Variants in BCL11B observed in about 807,000 individuals in gnomAD.
The protein encoded by BCL11B is BCL11 transcription factor B.
In BCL11B, 8 loss-of-function variants were observed where a neutral mutation model predicts 49.9. That is an observed-to-expected ratio of 0.16 (90% CI 0.09 to 0.29). BCL11B has a LOEUF of 0.29. Ranked by LOEUF, BCL11B falls within the 10% of genes least tolerant of loss-of-function variation. The pLI is 1.00. For missense variants in BCL11B, 1,006 were observed against 1,351.0 expected, an observed-to-expected ratio of 0.74 and a Z score of 4.00; for synonymous variants, 739 against 637.4, an observed-to-expected ratio of 1.16 and a Z score of -2.40.
At chr14:99,207,972 A>C (rs541166979) in intron 3 of BCL11B, among the ~76,000 whole-genome samples, 1 of 152,300 alleles carries the variant, frequency 6.6e-6, no homozygotes, top group South Asian at 2.1e-4. Flanking sequence ...CCAGCGGAGC[A>C]GCATTATTGG....
rs112824474 is a variant in BCL11B, at chr14:99,238,793, G to A, written c.428-7236C>T. 3.3e-5 allele frequency among the ~76,000 whole-genome samples: 5 copies of A among 152,270 alleles called. No individual in the cohort carries two copies. The South Asian group carries it at 6.2e-4, about 19-fold the overall frequency. The stretch of plus-strand genomic sequence containing the variant: ...TCATTCCTTTGCTCCTAGGCATCAC[G>A]GCTTCAGGACACAGATACAAAAATG... On this transcript the variant is annotated intron_variant, in intron 2 of 3. Transcript: ENST00000357195.
At chr14:99,269,968 C>A (rs1275639987) in intron 1 of BCL11B, among the ~76,000 whole-genome samples, 1 of 149,602 alleles carries the variant, frequency 6.7e-6, no homozygotes, top group Non-Finnish European at 1.5e-5. Context: ...TCGCGCGCAG[C>A]GAAGAAGCCG....
chr14:99,237,598 G>A (rs573881042), intron 2 of BCL11B, among the ~76,000 whole-genome samples: 4 of 152,268 alleles, frequency 2.6e-5, no homozygotes, highest in East Asian at 1.9e-4. Context: ...TGGCCATTAC[G>A]GGTCTCTAGT....
intron 3 of BCL11B, among the ~76,000 whole-genome samples, chr14:99,210,010 G>A (rs1887642878): frequency 6.6e-6 from 1 of 151,878 alleles, no homozygotes; most frequent in Admixed American, 6.6e-5. Flanking sequence ...GTGAGGTGGT[G>A]CACCCTCTTA....
At chr14:99,176,221 C>A in intron 3 of BCL11B, 26 bp from the exon 4 acceptor site, 1 of 1,602,686 alleles carries the variant, frequency 6.2e-7, no homozygotes. Context: ...GACAGAAAGG[C>A]AGAGACAGCG....
Position 99,175,959 on chromosome 14 carries a change from G to T in BCL11B, c.877C>A (p.Arg293Ser). 4.1e-6 allele frequency: 6 copies of T among 1,473,694 alleles called. No individual in the cohort carries two copies. Among genetic ancestry groups the T allele is most frequent in the South Asian group, 1.4e-5 (1 of 71,224 alleles). The allele number at this position is 1,473,694 out of a possible 1,614,324, so 91.3% of individuals were successfully genotyped here. A position where few individuals can be genotyped will look rare whatever the true frequency, so the allele number is the denominator to read the frequency against. Residue 293 changes from arginine (R) to serine (S), a missense_variant, in exon 4 of 4, where the codon CGC (arginine) becomes AGC (serine). Arg to Ser is a moderately radical substitution (Grantham distance 110, BLOSUM62 -1). Around this residue, in one of 6 missense-constraint regions of BCL11B, gnomAD observed 411 missense variants for 542.2 expected, o/e 0.76. Coordinates refer to ENST00000357195, the MANE Select transcript of BCL11B (RefSeq NM_138576.4). ...LGDSNPFNLL[R>S]MTGPILRDHP... ...TCCCGCAGGATGGGGCCCGTCATGC[G>T]CAGCAGGTTGAAGGGGTTGCTGTCG... is the stretch of plus-strand genomic sequence containing the variant.
Position 99,174,025 on chromosome 14 carries a change from G to T in BCL11B, c.*126C>A, listed in dbSNP as rs1195979361. On this transcript the variant is annotated 3_prime_UTR_variant, in exon 4 of 4. Transcript: ENST00000357195. Reference sequence around the variant, plus strand: ...CAGACACAGGTTAGGTTGGAGTGCCGCCTCCCCTGGGCCCCGGGGACACGC... The same window carrying T: ...CAGACACAGGTTAGGTTGGAGTGCCTCCTCCCCTGGGCCCCGGGGACACGC... 3 of 948,330 alleles carry T rather than the reference G, an allele frequency of 3.2e-6. No homozygotes were observed. The highest frequency in any genetic ancestry group is 1.7e-5 in the African/African-American group (1 of 60,462). The allele number at this position is 948,330 out of a possible 1,614,324, so 58.7% of individuals were successfully genotyped here. A position where few individuals can be genotyped will look rare whatever the true frequency, so the allele number is the denominator to read the frequency against.
In BCL11B at chr14:99,194,493, C is replaced by G. The variant is rs769234366; in HGVS notation, c.641-18298G>C. Among the ~76,000 whole-genome samples the G allele has an allele frequency of 2.6e-5, 4 of 152,202 alleles. No individual in the cohort carries two copies. Among genetic ancestry groups the G allele is most frequent in the African/African-American group, 9.7e-5 (4 of 41,448 alleles). On this transcript the variant is annotated intron_variant, in intron 3 of 3. Coordinates refer to ENST00000357195, the MANE Select transcript of BCL11B (RefSeq NM_138576.4). This position sits in a 1 kb window ranked among gnomAD's most constrained non-coding sequence, Gnocchi z 4.6. ...ACCCCATCCAGTGTTGCCCATGCAC[C>G]TTGAACAAAGGACTGAACACTATGG...
At chr14:99,258,048 C>T (rs775936712) in intron 1 of BCL11B, among the ~76,000 whole-genome samples, 6 of 152,178 alleles carry the variant, frequency 3.9e-5, no homozygotes, top group Non-Finnish European at 7.3e-5. Flanking sequence ...CTAGGAGCAA[C>T]GTCGTGCCCC....
At position 99,248,523 on chromosome 14, in the gene BCL11B, C is replaced by T. The variant is rs1888912885; in HGVS notation, c.427+8948G>A. Among the ~76,000 whole-genome samples the T allele has an allele frequency of 6.6e-6, 1 of 152,146 alleles. No individual in the cohort carries two copies. Among genetic ancestry groups the T allele is most frequent in the South Asian group, 2.1e-4 (1 of 4,826 alleles). ...ACAAAGAAAAGAATGCCAAACCACA[C>T]AGGGACATTAGGGACAGGGCCTGGT... On this transcript the variant is annotated intron_variant, in intron 2 of 3. Coordinates refer to ENST00000357195, the MANE Select transcript of BCL11B (RefSeq NM_138576.4). The surrounding 1 kb of genome is among the most constrained non-coding windows in gnomAD (Gnocchi z 4.7).
At chr14:99,258,171 A>G (rs1889230607) in intron 1 of BCL11B, among the ~76,000 whole-genome samples, 1 of 152,132 alleles carries the variant, frequency 6.6e-6, no homozygotes, top group Non-Finnish European at 1.5e-5. Flanking sequence ...ATACACACAC[A>G]CCCTGGCTGC....
Position 99,175,252 on chromosome 14 carries a change from G to A in BCL11B, c.1584C>T (p.His528=), listed in dbSNP as rs755510485. 25 of 1,544,254 alleles carry A rather than the reference G, an allele frequency of 1.6e-5. No homozygotes were observed. The highest frequency in any genetic ancestry group is 2.0e-5 in the Non-Finnish European group (23 of 1,148,954). ...CCTCCTCGTCCTCCTCCTCCGGCTC[G>A]TGGCCCAGCGACGGGTCGCTCTCGT... The part of the protein sequence containing the change: ...RHHESDPSLG[H]EPEEEDEEEE... The change falls in exon 4 of 4, where the codon CAC becomes CAT. Residue 528 remains histidine, a synonymous_variant. Coordinates refer to ENST00000357195, the MANE Select transcript of BCL11B (RefSeq NM_138576.4).
chr14:99,257,363 C>T lies in BCL11B; in HGVS notation c.427+108G>A. Reference sequence around the variant, plus strand: ...GGAGCCCCGGCTGGTGGCCCAGAGGCCATCCTGGAAGCCCCTGGGCCTTCC... The same window carrying T: ...GGAGCCCCGGCTGGTGGCCCAGAGGTCATCCTGGAAGCCCCTGGGCCTTCC... On this transcript the variant is annotated intron_variant, in intron 2 of 3. Transcript: ENST00000357195. The surrounding 1 kb of genome is among the most constrained non-coding windows in gnomAD (Gnocchi z 6.2). The T allele has an allele frequency of 7.2e-7, 1 of 1,397,940 alleles. No individual in the cohort carries two copies. The highest frequency in any genetic ancestry group is 9.5e-7 in the Non-Finnish European group (1 of 1,056,582). 86.6% of individuals were successfully genotyped at this position (1,397,940 alleles called of 1,614,324 possible).
intron 3 of BCL11B, among the ~76,000 whole-genome samples, chr14:99,220,556 C>T (rs923396644): frequency 3.1e-4 from 47 of 152,152 alleles, no homozygotes; most frequent in African/African-American, 4.1e-4. Context: ...AGAGACAGAA[C>T]GGAGAATGGG....
At chr14:99,214,515 G>A (rs1887774636) in intron 3 of BCL11B, among the ~76,000 whole-genome samples, 1 of 150,540 alleles carries the variant, frequency 6.6e-6, no homozygotes, top group African/African-American at 2.4e-5. Context: ...CTATGATCAC[G>A]CCACTGCACT....
chr14:99,270,315 T>TC (rs1461780410), intron 1 of BCL11B, among the ~76,000 whole-genome samples: 82 of 152,002 alleles, frequency 5.4e-4, no homozygotes, highest in Admixed American at 5.4e-3. Flanking sequence ...TTCTTTTTTT[T>TC]CTTTTACTAT....
intron 1 of BCL11B, among the ~76,000 whole-genome samples, chr14:99,267,144 G>A (rs993097440): frequency 2.6e-5 from 4 of 152,086 alleles, no homozygotes; most frequent in Admixed American, 1.3e-4. Context: ...CTCTAAGGCC[G>A]GCTTCACAAA....
intron 1 of BCL11B, among the ~76,000 whole-genome samples, chr14:99,267,608 G>C (rs1454203426): frequency 6.6e-6 from 1 of 151,334 alleles, no homozygotes; most frequent in Non-Finnish European, 1.5e-5. Context: ...ATTTATCGGA[G>C]GCCCAATTCT....
intron 3 of BCL11B, among the ~76,000 whole-genome samples, chr14:99,206,990 C>A (rs1311247294): frequency 6.6e-6 from 1 of 152,150 alleles, no homozygotes; most frequent in Non-Finnish European, 1.5e-5. Flanking sequence ...TGGGATGAAG[C>A]CCTCCAAGCT....
Sources: allele counts gnomAD v4.1 joint callset (sites outside exome capture counted in the v4.1 genomes callset), GRCh38; gene constraint gnomAD v4.1.1; regional missense constraint gnomAD v4.1.1; non-coding constraint Gnocchi (gnomAD v3.1); transcripts MANE v1.5; gene names NCBI Gene and HGNC (gene_info 2026-07-23, HGNC 2026-07-21).